The following NBPF3 variants were observed in gnomAD, a reference collection of about 807,000 sequenced individuals.
NBPF3 encodes NBPF member 3.
NBPF3 carries 57 observed loss-of-function variants against 78.1 expected under a neutral mutation model. The observed-to-expected ratio is 0.73, with a 90% CI of 0.59 to 0.91. The LOEUF is 0.91. NBPF3 is among the 40% of genes least tolerant of loss of function. The pLI, the probability that NBPF3 is intolerant of heterozygous loss-of-function variation, is 0.00. For missense variants in NBPF3, 510 were observed against 715.3 expected, an observed-to-expected ratio of 0.71 and a Z score of 3.27; for synonymous variants, 182 against 271.7, an observed-to-expected ratio of 0.67 and a Z score of 3.25.
intron 10 of NBPF3, among the ~76,000 whole-genome samples, chr1:21,479,820 C>CTCTGTGTGTGTGTGTGTGTGTGTGTG (rs766796014): frequency 1.5e-4 from 15 of 102,880 alleles, no homozygotes; most frequent in African/African-American, 3.4e-4. Flanking sequence ...CTCTCTCTCT[C>CTCTGTGTGTGTGTGTGTGTGTGTGTG]TGTGTGTGTG....
intron 2 of NBPF3, chr1:21,453,684 G>C (rs1641438158): frequency 6.6e-6 from 1 of 152,214 alleles, no homozygotes; most frequent in African/African-American, 2.4e-5. Context: ...GAATGTAATG[G>C]ATGGGAAATC....
chr1:21,456,737 T>C lies in NBPF3; in HGVS notation c.133+11518T>C, dbSNP rs1049169198. Among the ~76,000 whole-genome samples the C allele has an allele frequency of 3.9e-5, 6 of 152,312 alleles. No homozygotes were observed. In the East Asian group the frequency reaches 9.6e-4, roughly 24 times the overall value. On this transcript the variant is annotated intron_variant, in intron 2 of 14. Transcript: ENST00000318249. ...CTTCCAACCCTATTAAGGGTAGATTTGAAAAAAACTCACAGGTAACATTAT... is the reference window on the plus strand; with the variant it reads ...CTTCCAACCCTATTAAGGGTAGATTCGAAAAAAACTCACAGGTAACATTAT...
chr1:21,449,447 T>C (rs1255522952), intron 2 of NBPF3, among the ~76,000 whole-genome samples: 2 of 141,658 alleles, frequency 1.4e-5, no homozygotes, highest in Non-Finnish European at 1.5e-5. Context: ...TGGAGTTAAG[T>C]AACGAACCAT....
chr1:21,465,328 A>G (rs6426710), intron 2 of NBPF3, among the ~76,000 whole-genome samples: 3,992 of 87,872 alleles, frequency 0.045, no homozygotes, highest in Admixed American at 0.053. Flanking sequence ...TCTGAGTCAT[A>G]TTAACAAACA....
intron 3 of NBPF3, among the ~76,000 whole-genome samples, chr1:21,469,840 T>A (rs912570451): frequency 2.6e-5 from 4 of 152,202 alleles, no homozygotes; most frequent in African/African-American, 9.7e-5. Context: ...CAGTGCAGTG[T>A]GCAGACCAGG....
intron 8 of NBPF3, among the ~76,000 whole-genome samples, chr1:21,477,705 A>T (rs976555666): frequency 1.3e-5 from 2 of 151,746 alleles, no homozygotes; most frequent in African/African-American, 4.9e-5. Flanking sequence ...AGAAATTGAA[A>T]AAATAAACAT....
chr1:21,446,301 A>AG (rs1384106230), intron 2 of NBPF3: 1 of 152,206 alleles, frequency 6.6e-6, no homozygotes, highest in Non-Finnish European at 1.5e-5. Context: ...TCAGAGGAGG[A>AG]GGAAGGGGTT....
intron 2 of NBPF3, among the ~76,000 whole-genome samples, chr1:21,456,236 A>G (rs1405214163): frequency 2.0e-5 from 3 of 152,236 alleles, no homozygotes; most frequent in Non-Finnish European, 2.9e-5. Flanking sequence ...CACACAATCA[A>G]TGACACAAGT....
chr1:21,448,412 C>T (rs1431290932), intron 2 of NBPF3, among the ~76,000 whole-genome samples: 5 of 151,908 alleles, frequency 3.3e-5, no homozygotes, highest in Non-Finnish European at 7.4e-5. Flanking sequence ...TAAATTGTCT[C>T]TAAACCTTCA....
In NBPF3 at chr1:21,471,690, G is replaced by A. The variant is rs146776348; in HGVS notation, c.568G>A (p.Asp190Asn). 1.9e-6 allele frequency: 3 copies of A among 1,613,338 alleles called. No homozygotes were observed. Among genetic ancestry groups the A allele is most frequent in the Non-Finnish European group, 2.5e-6 (3 of 1,179,866 alleles). ...NQHLQALLTP[D>N]EPDNSQGRDL... ...GCATCTCCAGGCCCTCCTCACTCCG[G>A]ATGAGCCGGACAACTCCCAGGGACG... The change falls in exon 5 of 15, where the codon GAT becomes AAT. Residue 190 changes from aspartate to asparagine, a missense_variant. Physicochemically the swap from Asp to Asn is conservative, Grantham distance 23. This residue lies in a region of NBPF3 where 440 missense variants were observed against 478.2 expected (regional missense o/e 0.92). Transcript: ENST00000318249.
At chr1:21,442,850 T>C (rs1186741527) in intron 1 of NBPF3, among the ~76,000 whole-genome samples, 1 of 152,084 alleles carries the variant, frequency 6.6e-6, no homozygotes, top group Non-Finnish European at 1.5e-5. Context: ...TTTGTAGAGA[T>C]GGGGTTGCAA....
At chr1:21,482,335 A>G (rs1046278039) in intron 13 of NBPF3, 149 bp from the exon 14 acceptor site, 1 of 142,790 alleles carries the variant, frequency 7.0e-6, no homozygotes. Context: ...TATCATGACC[A>G]TCCTTCAGGC....
chr1:21,452,295 A>G (rs1259791350), intron 2 of NBPF3, among the ~76,000 whole-genome samples: 1 of 152,216 alleles, frequency 6.6e-6, no homozygotes, highest in African/African-American at 2.4e-5. Context: ...AGTGGTTGTG[A>G]GTTCAGCAAC....
chr1:21,456,964 C>T (rs1327545912), intron 2 of NBPF3, among the ~76,000 whole-genome samples: 1 of 152,092 alleles, frequency 6.6e-6, no homozygotes, highest in Admixed American at 6.5e-5. Context: ...GTTAATAATC[C>T]TAGAAATCTG....
rs1410675159 is a variant in NBPF3 at position 21,472,883 on chromosome 1, G to A, written c.702G>A (p.Glu234=). Residue 234 remains glutamate (E), a synonymous_variant, in exon 6 of 15, where the codon GAG becomes GAA. Transcript: ENST00000318249. The part of the protein sequence containing the change: ...DDEDEDVKVE[E]AEKVQELYAP... ...AGGATGAAGATGTTAAAGTTGAGGAGGCTGAGAAAGTACAGGAATTATATG... is the reference window on the plus strand; with the variant it reads ...AGGATGAAGATGTTAAAGTTGAGGAAGCTGAGAAAGTACAGGAATTATATG... 6.2e-7 allele frequency: 1 copy of A among 1,612,974 alleles called. No homozygotes were observed. Among genetic ancestry groups the A allele is most frequent in the Non-Finnish European group, 8.5e-7 (1 of 1,178,978 alleles).
At chr1:21,453,408 C>T (rs2147926523) in intron 2 of NBPF3, 1 of 152,366 alleles carries the variant, frequency 6.6e-6, no homozygotes, top group Non-Finnish European at 1.5e-5. Flanking sequence ...ATTCTCCTTA[C>T]CAAGACGTTA....
intron 2 of NBPF3, among the ~76,000 whole-genome samples, chr1:21,461,667 T>A (rs902532521): frequency 3.9e-5 from 6 of 152,138 alleles, no homozygotes; most frequent in African/African-American, 1.4e-4. Flanking sequence ...TTTACCATGT[T>A]GGCCAGGCTG....
At position 21,483,123 on chromosome 1, in the gene NBPF3, A is replaced by G. The variant is rs1415607977; in HGVS notation, c.1659-20A>G. ...TCTGATTTTCCCTGGCTGCTTCTTT[A>G]GTTTTGTCTCCTTTTCCAGGCTCAA... is the stretch of plus-strand genomic sequence containing the variant. On this transcript the variant is annotated intron_variant, in intron 14 of 14. Transcript: ENST00000318249. 1 of 1,612,060 alleles carries G rather than the reference A, an allele frequency of 6.2e-7. No individual in the cohort carries two copies. Among genetic ancestry groups the G allele is most frequent in the Non-Finnish European group, 8.5e-7 (1 of 1,179,562 alleles).
intron 2 of NBPF3, among the ~76,000 whole-genome samples, chr1:21,467,808 G>T (rs1392850038): frequency 6.6e-6 from 1 of 152,212 alleles, no homozygotes; most frequent in Non-Finnish European, 1.5e-5. Context: ...AGTATAAAAT[G>T]TAGCGCTCAG....
Sources: allele counts gnomAD v4.1 joint callset (sites outside exome capture counted in the v4.1 genomes callset), GRCh38; gene constraint gnomAD v4.1.1; regional missense constraint gnomAD v4.1.1; transcripts MANE v1.5; gene names NCBI Gene and HGNC (gene_info 2026-07-23, HGNC 2026-07-21).